TNPO1: variants seen among roughly 807,000 people sequenced by gnomAD.
The protein encoded by TNPO1 is transportin-1.
A neutral mutation model predicts 119.5 loss-of-function variants in TNPO1; 8 were observed. The observed-to-expected ratio is 0.07, with a 90% confidence interval of 0.04 to 0.12. The LOEUF is 0.12. Among genes scored for constraint, TNPO1 ranks in the 10% least tolerant of loss-of-function variants. TNPO1 has a pLI of 1.00. For synonymous variants in TNPO1, 362 were observed against 363.0 expected (o/e 1.00, Z 0.03); for missense variants, 576 against 1,089.8 (o/e 0.53, Z 6.64).
At chr5:72,816,778 C>T in intron 1 of TNPO1, 26 bp downstream of exon 1, 1 of 1,580,190 alleles carries the variant, frequency 6.3e-7, no homozygotes, top group Non-Finnish European at 8.6e-7. Flanking sequence ...GTGCGCGGCC[C>T]CGAACTGCAG....
At chr5:72,818,936 G>T (rs1743822056) in intron 1 of TNPO1, among the ~76,000 whole-genome samples, 1 of 152,200 alleles carries the variant, frequency 6.6e-6, no homozygotes, top group South Asian at 2.1e-4. Flanking sequence ...AATCTGTTGA[G>T]TGTTGGCAGG....
At chr5:72,906,152 G>C (rs1356090454) in intron 24 of TNPO1, among the ~76,000 whole-genome samples, 1 of 151,560 alleles carries the variant, frequency 6.6e-6, no homozygotes, top group Non-Finnish European at 1.5e-5. Flanking sequence ...AGTCTCTGCT[G>C]TAACAAGGAC....
At chr5:72,869,099 T>A (rs1380734539) in intron 6 of TNPO1, among the ~76,000 whole-genome samples, 1 of 152,162 alleles carries the variant, frequency 6.6e-6, no homozygotes, top group Non-Finnish European at 1.5e-5. Flanking sequence ...TTAAGATAAT[T>A]TTTCCGTATT....
Position 72,911,559 on chromosome 5 carries a change from A to G in TNPO1, c.*2886A>G, listed in dbSNP as rs1168142261. ...TTATTCTGATAAAATCTAATACATC[A>G]TGGGATATATATAAAGCAACTTAAT... is the stretch of plus-strand genomic sequence containing the variant. On this transcript the variant is annotated 3_prime_UTR_variant, in exon 25 of 25. Coordinates refer to ENST00000337273, the MANE Select transcript of TNPO1 (RefSeq NM_002270.4). 6.6e-6 allele frequency: 1 copy of G among 152,568 alleles called. No homozygotes were observed. The highest frequency in any genetic ancestry group is 2.4e-5 in the African/African-American group (1 of 41,464). 9.5% of individuals were successfully genotyped at this position (152,568 alleles called of 1,614,324 possible). A position where few individuals can be genotyped will look rare whatever the true frequency, so the allele number is the denominator to read the frequency against.
rs142395107 is a variant in TNPO1, at chr5:72,825,067, G to A, written c.15+8315G>A. On this transcript the variant is annotated intron_variant, in intron 1 of 24. Transcript: ENST00000337273. ...TTCAGGACAATCTGTTTTCTGTATC[G>A]TCAAAATACATCGAAAATCCTATCA... 2.1e-3 allele frequency among the ~76,000 whole-genome samples: 320 copies of A among 151,976 alleles called. 3 individuals carry two copies. The highest frequency in any genetic ancestry group is 7.4e-3 in the African/African-American group (308 of 41,406).
rs1260463061 is a variant in TNPO1, at chr5:72,912,792, A to G, written c.*4119A>G. ...TTAGTCTAAATTTAAGTCCTTTGCC[A>G]TGAGGAAAAAGTGGTTTTTTGCTTC... On this transcript the variant is annotated 3_prime_UTR_variant, in exon 25 of 25. Transcript: ENST00000337273. 1 of 152,512 alleles carries G rather than the reference A, an allele frequency of 6.6e-6. No individual in the cohort carries two copies. Among genetic ancestry groups the G allele is most frequent in the African/African-American group, 2.4e-5 (1 of 41,456 alleles). The allele number at this position is 152,512 out of a possible 1,614,324, so 9.4% of individuals were successfully genotyped here. A position where few individuals can be genotyped will look rare whatever the true frequency, so the allele number is the denominator to read the frequency against.
chr5:72,819,652 G>A (rs372718392), intron 1 of TNPO1, among the ~76,000 whole-genome samples: 12 of 152,184 alleles, frequency 7.9e-5, no homozygotes, highest in African/African-American at 2.4e-4. Context: ...GCTGATAACC[G>A]TGAGACCATA....
At chr5:72,831,178 C>T (rs907369319) in intron 1 of TNPO1, among the ~76,000 whole-genome samples, 8 of 152,048 alleles carry the variant, frequency 5.3e-5, no homozygotes, top group Non-Finnish European at 1.0e-4. Flanking sequence ...ATTATTGAGA[C>T]AGTCTGTAGA....
intron 6 of TNPO1, among the ~76,000 whole-genome samples, chr5:72,866,645 T>C (rs1197982474): frequency 6.6e-6 from 1 of 152,002 alleles, no homozygotes. Flanking sequence ...TCCGAGCTAC[T>C]TGAAGGGTCA....
At chr5:72,855,560 C>T (rs1454213398) in intron 3 of TNPO1, among the ~76,000 whole-genome samples, 6 of 152,014 alleles carry the variant, frequency 3.9e-5, no homozygotes, top group African/African-American at 1.4e-4. Flanking sequence ...AGGACAGCAC[C>T]CTCCAACAAA....
chr5:72,816,852 C>A, intron 1 of TNPO1, 100 bp downstream of exon 1: 1 of 1,406,396 alleles, frequency 7.1e-7, no homozygotes, highest in Non-Finnish European at 9.5e-7. Context: ...ACGCCGGGCT[C>A]GCCCGCTCTC....
At chr5:72,826,119 A>G (rs1041364856) in intron 1 of TNPO1, among the ~76,000 whole-genome samples, 1 of 151,990 alleles carries the variant, frequency 6.6e-6, no homozygotes. Context: ...GCTTGGCTCA[A>G]TGGACTTACC....
In TNPO1 at chr5:72,859,400, A is replaced by T. The variant is rs148296960; in HGVS notation, c.356-2408A>T. Among the ~76,000 whole-genome samples the T allele has an allele frequency of 2.0e-3, 304 of 152,310 alleles. 3 individuals carry two copies. Among genetic ancestry groups the T allele is most frequent in the African/African-American group, 7.1e-3 (294 of 41,548 alleles). ...ACGTGTTGGGGTCAGGGAGTGCCTGACTGAGCTCCTTGAGGGAAAGGACCA... is the reference window on the plus strand; with the variant it reads ...ACGTGTTGGGGTCAGGGAGTGCCTGTCTGAGCTCCTTGAGGGAAAGGACCA... On this transcript the variant is annotated intron_variant, in intron 4 of 24. Transcript: ENST00000337273.
intron 5 of TNPO1, 107 bp downstream of exon 5, chr5:72,862,021 C>A: frequency 1.4e-6 from 1 of 707,658 alleles, no homozygotes; most frequent in Non-Finnish European, 2.4e-6. Flanking sequence ...TACAGCTTCT[C>A]AAAACTTAGA....
At chr5:72,851,195 T>A (rs1442022100) in intron 2 of TNPO1, 49 bp from the exon 3 acceptor site, 1 of 1,136,946 alleles carries the variant, frequency 8.8e-7, no homozygotes. Context: ...ATGCTTAATT[T>A]CTTCCTGAGA....
chr5:72,853,301 G>C (rs1345842573), intron 3 of TNPO1, among the ~76,000 whole-genome samples: 2 of 152,142 alleles, frequency 1.3e-5, no homozygotes, highest in African/African-American at 4.8e-5. Context: ...AAATTAGCTG[G>C]CATAGTGGCA....
At chr5:72,841,408 G>A (rs1962833) in intron 1 of TNPO1, among the ~76,000 whole-genome samples, 73,011 of 151,822 alleles carry the variant, frequency 0.48, 18,653 homozygotes, top group Admixed American at 0.61. Context: ...GTGAGCCACC[G>A]CGCCCGGCTC....
chr5:72,824,277 G>A (rs999739859), intron 1 of TNPO1, among the ~76,000 whole-genome samples: 5 of 151,968 alleles, frequency 3.3e-5, no homozygotes, highest in African/African-American at 1.2e-4. Flanking sequence ...TCCCCTCTTA[G>A]GAAAAAATCT....
rs768592870 is a variant in TNPO1, at chr5:72,901,981, A to G, written c.2514+908A>G. ...ATCCCAGCTCTCGGGAGGTTGAGGC[A>G]GGAGAATTGCTTGAACCCGGGAGGC... On this transcript the variant is annotated intron_variant, in intron 22 of 24. Coordinates refer to ENST00000337273, the MANE Select transcript of TNPO1 (RefSeq NM_002270.4). 5.5e-4 allele frequency among the ~76,000 whole-genome samples: 84 copies of G among 152,042 alleles called. 1 individual carries two copies. Among genetic ancestry groups the G allele is most frequent in the Non-Finnish European group, 1.3e-4 (9 of 67,990 alleles).
Sources: allele counts gnomAD v4.1 joint callset (sites outside exome capture counted in the v4.1 genomes callset), GRCh38; gene constraint gnomAD v4.1.1; transcripts MANE v1.5; gene names NCBI Gene and HGNC (gene_info 2026-07-23, HGNC 2026-07-21).